ZNF385D: variants seen among roughly 807,000 people sequenced by gnomAD.
The protein encoded by ZNF385D is zinc finger protein 385D.
In ZNF385D, 15 loss-of-function variants were observed where a neutral mutation model predicts 35.8. The ratio of observed to expected loss-of-function variants is 0.42; its 90% confidence interval spans 0.28 to 0.64. ZNF385D has a LOEUF of 0.64. Ranked by LOEUF, ZNF385D falls within the 30% of genes least tolerant of loss-of-function variation. ZNF385D has a pLI of 0.23. For synonymous variants in ZNF385D, 212 were observed against 186.8 expected (o/e 1.13, Z -1.10); for missense variants, 474 against 494.6 (o/e 0.96, Z 0.39).
chr3:21,673,895 G>A (rs2066647723), intron 1 of ZNF385D, among the ~76,000 whole-genome samples: 1 of 152,074 alleles, frequency 6.6e-6, no homozygotes, highest in African/African-American at 2.4e-5. Context: ...TTAATGGCAA[G>A]TGTTTAAACT....
chr3:22,307,927 C>A (rs1444382971), intron 2 of ZNF385D, among the ~76,000 whole-genome samples: 1 of 151,960 alleles, frequency 6.6e-6, no homozygotes, highest in Non-Finnish European at 1.5e-5. Flanking sequence ...AAATGAGGCA[C>A]TTTAAAATCA....
chr3:21,639,169 A>G (rs2065530352), intron 2 of ZNF385D, among the ~76,000 whole-genome samples: 1 of 152,056 alleles, frequency 6.6e-6, no homozygotes, highest in Non-Finnish European at 1.5e-5. Context: ...ATATACACTG[A>G]TCACTTCCAC....
chr3:21,562,533 T>C (rs2125640876), intron 3 of ZNF385D, among the ~76,000 whole-genome samples: 1 of 152,260 alleles, frequency 6.6e-6, no homozygotes, highest in African/African-American at 2.4e-5. Flanking sequence ...TTCTTTCTAA[T>C]TCCTAGTTTA....
At chr3:22,282,065 T>C (rs562113184) in intron 2 of ZNF385D, among the ~76,000 whole-genome samples, 25 of 152,222 alleles carry the variant, frequency 1.6e-4, no homozygotes, top group African/African-American at 5.5e-4. Flanking sequence ...GGACGATCCC[T>C]TGTATTTCTG....
chr3:21,859,381 T>C (rs1206872665), intron 3 of ZNF385D, among the ~76,000 whole-genome samples: 1 of 151,006 alleles, frequency 6.6e-6, no homozygotes, highest in African/African-American at 2.4e-5. Flanking sequence ...TCCTCTTAAG[T>C]AGTTAGTTGT....
chr3:22,256,520 TTTTC>T (rs1250477583), intron 2 of ZNF385D, among the ~76,000 whole-genome samples: 2 of 151,832 alleles, frequency 1.3e-5, no homozygotes, highest in Non-Finnish European at 2.9e-5. Flanking sequence ...AACTCTTGTA[TTTTC>T]TTTGATTTGG....
chr3:22,341,356 T>G (rs1559530059), intron 2 of ZNF385D, among the ~76,000 whole-genome samples: 1 of 152,210 alleles, frequency 6.6e-6, no homozygotes, highest in Non-Finnish European at 1.5e-5. Flanking sequence ...AGCTTATGGC[T>G]GATTTTGCTA....
intron 3 of ZNF385D, among the ~76,000 whole-genome samples, chr3:21,821,149 A>G (rs140230922): frequency 1.0e-3 from 156 of 152,162 alleles, no homozygotes; most frequent in Admixed American, 2.4e-3. Flanking sequence ...CTTACAGGTA[A>G]ATGTTTCTAA....
chr3:21,650,141 AGAT>A (rs758376399), intron 2 of ZNF385D, among the ~76,000 whole-genome samples: 2 of 152,338 alleles, frequency 1.3e-5, no homozygotes, highest in East Asian at 3.9e-4. Flanking sequence ...CAAAAACTGA[AGAT>A]ATGGAAAATG....
At chr3:21,767,987 T>C (rs765385700) in intron 3 of ZNF385D, among the ~76,000 whole-genome samples, 2 of 152,084 alleles carry the variant, frequency 1.3e-5, no homozygotes, top group Non-Finnish European at 2.9e-5. Context: ...CCTAATTTGT[T>C]GTAATTATTC....
chr3:22,182,808 G>A (rs1357189760), intron 2 of ZNF385D, among the ~76,000 whole-genome samples: 1 of 151,998 alleles, frequency 6.6e-6, no homozygotes. Context: ...CTGCAGGGTA[G>A]TAAATTTAAG....
rs1575471512 is a variant in ZNF385D at position 21,692,415 on chromosome 3, G to A, written c.23-27387C>T. Among the ~76,000 whole-genome samples, 4 of 152,206 alleles carry A rather than the reference G, an allele frequency of 2.6e-5. No individual in the cohort carries two copies. The South Asian group carries it at 8.3e-4, about 32-fold the overall frequency. ...AAGCTTTTCTCTCTCACCAATCACA[G>A]TTTTCTAAAATCATGCTCAGTTCTG... On this transcript the variant is annotated intron_variant, in intron 1 of 7. Transcript: ENST00000281523.
chr3:21,644,901 G>A (rs2125865499), intron 2 of ZNF385D, among the ~76,000 whole-genome samples: 1 of 152,222 alleles, frequency 6.6e-6, no homozygotes, highest in South Asian at 2.1e-4. Flanking sequence ...TAGATGAAAT[G>A]CCCAGCACAG....
chr3:21,970,625 G>A lies in ZNF385D; in HGVS notation c.325+198192C>T, dbSNP rs939421304. The stretch of plus-strand genomic sequence containing the variant: ...TAAAGAGTAGAGAGAGAGAGAGAGA[G>A]AAATTGAGGTAGAAAGATTATTCAA... On this transcript the variant is annotated intron_variant, in intron 3 of 5. Coordinates refer to the ZNF385D transcript ENST00000494108. 5.9e-5 allele frequency among the ~76,000 whole-genome samples: 9 copies of A among 151,934 alleles called. No individual in the cohort carries two copies. In the South Asian group the frequency reaches 1.9e-3, roughly 32 times the overall value.
intron 6 of ZNF385D, among the ~76,000 whole-genome samples, chr3:21,424,275 T>TTATATATATACTTATATAGATATATTTA (rs1700882742): frequency 1.3e-5 from 1 of 79,802 alleles, no homozygotes; most frequent in Non-Finnish European, 2.6e-5. Context: ...ATATATACTA[T>TTATATATATACTTATATAGATATATTTA]TATATATATA....
intron 3 of ZNF385D, among the ~76,000 whole-genome samples, chr3:21,895,030 T>G (rs1272095374): frequency 6.6e-6 from 1 of 151,998 alleles, no homozygotes; most frequent in Non-Finnish European, 1.5e-5. Context: ...ACAGAGTAAA[T>G]AGCAGATAGG....
At chr3:22,045,252 T>C (rs1006197312) in intron 3 of ZNF385D, among the ~76,000 whole-genome samples, 3 of 152,128 alleles carry the variant, frequency 2.0e-5, no homozygotes, top group Non-Finnish European at 4.4e-5. Flanking sequence ...TTTGATCCAT[T>C]TGAGTTGATT....
chr3:22,081,058 A>G (rs372176443), intron 3 of ZNF385D, among the ~76,000 whole-genome samples: 4 of 152,168 alleles, frequency 2.6e-5, no homozygotes, highest in African/African-American at 9.7e-5. Flanking sequence ...TCTTTTCCAG[A>G]TATCTCCAAC....
At chr3:22,008,794 A>G (rs1445901008) in intron 3 of ZNF385D, among the ~76,000 whole-genome samples, 1 of 152,244 alleles carries the variant, frequency 6.6e-6, no homozygotes, top group Non-Finnish European at 1.5e-5. Context: ...TATAGAACCA[A>G]ACAATTATAA....
Sources: allele counts gnomAD v4.1 joint callset (sites outside exome capture counted in the v4.1 genomes callset), GRCh38; gene constraint gnomAD v4.1.1; transcripts MANE v1.5; gene names NCBI Gene and HGNC (gene_info 2026-07-23, HGNC 2026-07-21).